The following SNX30 variants were observed in gnomAD, a reference collection of about 807,000 sequenced individuals.
SNX30 encodes sorting nexin-30.
SNX30 carries 24 observed loss-of-function variants against 46.4 expected under a neutral mutation model. The ratio of observed to expected loss-of-function variants is 0.52; its 90% confidence interval spans 0.37 to 0.73. The LOEUF (loss-of-function observed/expected upper bound fraction) is 0.73, where lower values mean the gene tolerates loss of function less well. Among genes scored for constraint, SNX30 ranks in the 30% least tolerant of loss-of-function variants. SNX30 has a pLI of 0.00. For synonymous variants in SNX30, 189 were observed against 211.5 expected (o/e 0.89, Z 0.92); for missense variants, 533 against 555.7 (o/e 0.96, Z 0.41).
intron 2 of SNX30, among the ~76,000 whole-genome samples, chr9:112,807,198 T>G (rs1266318923): frequency 6.6e-6 from 1 of 151,804 alleles, no homozygotes; most frequent in Non-Finnish European, 1.5e-5. Context: ...CCCGAGTAGC[T>G]GGGACTACAG....
At chr9:112,767,371 T>C (rs1412189732) in intron 1 of SNX30, among the ~76,000 whole-genome samples, 2 of 152,206 alleles carry the variant, frequency 1.3e-5, no homozygotes, top group African/African-American at 4.8e-5. Flanking sequence ...GCAAGCATTT[T>C]CTCCCATTCT....
In SNX30 at chr9:112,872,084, A is replaced by G. The variant is rs1361896174; in HGVS notation, c.*3241A>G. The stretch of plus-strand genomic sequence containing the variant: ...ATGACCTGGAGATCATGGTGACTGT[A>G]AGCTAAGTCTGTTTTCATGCCAGAT... On this transcript the variant is annotated 3_prime_UTR_variant, in exon 9 of 9. Coordinates refer to ENST00000374232, the MANE Select transcript of SNX30 (RefSeq NM_001012994.2). 1 of 152,196 alleles carries G rather than the reference A, an allele frequency of 6.6e-6. No homozygotes were observed. The highest frequency in any genetic ancestry group is 1.9e-4 in the East Asian group (1 of 5,194). 9.4% of individuals were successfully genotyped at this position (152,196 alleles called of 1,614,324 possible).
At chr9:112,822,965 C>T (rs913035329) in intron 3 of SNX30, among the ~76,000 whole-genome samples, 6 of 146,514 alleles carry the variant, frequency 4.1e-5, no homozygotes, top group Non-Finnish European at 3.0e-5. Flanking sequence ...GCCAAATCCC[C>T]ATAACACTTA....
At chr9:112,803,995 TCG>T (rs1416142031) in intron 1 of SNX30, among the ~76,000 whole-genome samples, 1 of 135,904 alleles carries the variant, frequency 7.4e-6, no homozygotes, top group African/African-American at 2.8e-5. Flanking sequence ...CTGCTTCGGC[TCG>T]CGCACGGTGC....
intron 2 of SNX30, among the ~76,000 whole-genome samples, chr9:112,812,295 A>G (rs1840332565): frequency 6.6e-6 from 1 of 152,138 alleles, no homozygotes. Flanking sequence ...ATCCTGTGTC[A>G]CCCAGGCTGG....
chr9:112,863,613 T>TTC (rs1841273205), intron 7 of SNX30, among the ~76,000 whole-genome samples: 1 of 152,282 alleles, frequency 6.6e-6, no homozygotes, highest in African/African-American at 2.4e-5. Context: ...CATAAGTAAC[T>TTC]TTCCTCCTGT....
At chr9:112,834,880 A>ACC (rs1479158604) in intron 4 of SNX30, among the ~76,000 whole-genome samples, 17 of 79,026 alleles carry the variant, frequency 2.2e-4, no homozygotes, top group Non-Finnish European at 1.8e-4. Flanking sequence ...ACACACACAC[A>ACC]CACCTACCTC....
At chr9:112,855,142 G>A (rs965902837) in intron 7 of SNX30, among the ~76,000 whole-genome samples, 5 of 152,192 alleles carry the variant, frequency 3.3e-5, no homozygotes, top group African/African-American at 9.7e-5. Flanking sequence ...CTGAGGAAAT[G>A]AGCAACTTAA....
chr9:112,860,780 C>T (rs1841213046), intron 7 of SNX30, among the ~76,000 whole-genome samples: 1 of 152,120 alleles, frequency 6.6e-6, no homozygotes, highest in African/African-American at 2.4e-5. Flanking sequence ...AGATGAAAAC[C>T]TGTTTTATAA....
intron 1 of SNX30, among the ~76,000 whole-genome samples, chr9:112,752,452 C>A (rs552571370): frequency 6.6e-6 from 1 of 152,002 alleles, no homozygotes; most frequent in African/African-American, 2.4e-5. Flanking sequence ...CCCGTTTCCA[C>A]ATACGCACAC....
Position 112,838,653 on chromosome 9 carries a change from C to G in SNX30, c.970C>G (p.Leu324Val). The part of the protein sequence containing the change: ...ELTDDMTEDF[L>V]PVLREYILYS... ...GACAGATGACATGACAGAAGACTTC[C>G]TACCTGTGCTCAGGGAATATATTTT... The change falls in exon 6 of 9, where the codon CTA becomes GTA. Residue 324 changes from leucine to valine, a missense_variant. Transcript: ENST00000374232. 2 of 1,614,158 alleles carry G rather than the reference C, an allele frequency of 1.2e-6. No individual in the cohort carries two copies. Among genetic ancestry groups the G allele is most frequent in the Non-Finnish European group, 1.7e-6 (2 of 1,180,002 alleles).
At chr9:112,865,716 T>TATAC (rs200250698) in intron 8 of SNX30, among the ~76,000 whole-genome samples, 12 of 139,560 alleles carry the variant, frequency 8.6e-5, no homozygotes, top group Non-Finnish European at 4.7e-5. Flanking sequence ...TATACACACA[T>TATAC]ATACATACAT....
At chr9:112,824,055 A>AT (rs1840544509) in intron 3 of SNX30, among the ~76,000 whole-genome samples, 2 of 152,206 alleles carry the variant, frequency 1.3e-5, no homozygotes, top group South Asian at 4.1e-4. Context: ...TATTTGTTGA[A>AT]TTGCTTAGAA....
chr9:112,751,705 G>C (rs1588102330), intron 1 of SNX30, among the ~76,000 whole-genome samples: 1 of 152,280 alleles, frequency 6.6e-6, no homozygotes, highest in East Asian at 1.9e-4. Context: ...CCCAGCCGGC[G>C]GCGGGAGGAG....
chr9:112,864,982 T>C (rs4979171), intron 8 of SNX30, among the ~76,000 whole-genome samples: 142,645 of 151,046 alleles, frequency 0.94, 67,411 homozygotes, highest in East Asian at 1. Context: ...CGCACGCACA[T>C]GCGCGTGCAC....
intron 1 of SNX30, among the ~76,000 whole-genome samples, chr9:112,788,916 C>T (rs1392795698): frequency 6.6e-6 from 1 of 152,202 alleles, no homozygotes; most frequent in Non-Finnish European, 1.5e-5. Context: ...CCACCTCAGC[C>T]TCCCCAGTAG....
At position 112,873,425 on chromosome 9, in the gene SNX30, A is replaced by G. The variant is rs1053788355; in HGVS notation, c.*4582A>G. On this transcript the variant is annotated 3_prime_UTR_variant, in exon 9 of 9. Transcript: ENST00000374232. ...TTATTCTTCTTCACCTAGTGTTTTA[A>G]AAGTCCTGGGTAGAAAGAGTTTTAG... 13 of 152,152 alleles carry G rather than the reference A, an allele frequency of 8.5e-5. No individual in the cohort carries two copies. The highest frequency in any genetic ancestry group is 2.9e-4 in the African/African-American group (12 of 41,432). 9.4% of individuals were successfully genotyped at this position (152,152 alleles called of 1,614,324 possible). A position where few individuals can be genotyped will look rare whatever the true frequency, so the allele number is the denominator to read the frequency against.
At chr9:112,805,848 A>C (rs1403861381) in intron 2 of SNX30, among the ~76,000 whole-genome samples, 1 of 152,096 alleles carries the variant, frequency 6.6e-6, no homozygotes, top group Non-Finnish European at 1.5e-5. Flanking sequence ...AGTTCAAATA[A>C]CTCGCTCAAA....
At chr9:112,826,734 C>T (rs1564282636) in intron 3 of SNX30, among the ~76,000 whole-genome samples, 1 of 152,104 alleles carries the variant, frequency 6.6e-6, no homozygotes, top group Non-Finnish European at 1.5e-5. Flanking sequence ...GTTCTCACTT[C>T]AGAAAGATAG....
Sources: allele counts gnomAD v4.1 joint callset (sites outside exome capture counted in the v4.1 genomes callset), GRCh38; gene constraint gnomAD v4.1.1; transcripts MANE v1.5; gene names NCBI Gene and HGNC (gene_info 2026-07-23, HGNC 2026-07-21).